Variants in GABRA3 observed in about 807,000 individuals in gnomAD.
GABRA3 encodes the protein gamma-aminobutyric acid receptor subunit alpha-3.
GABRA3 carries 10 observed loss-of-function variants against 30.1 expected under a neutral mutation model. That is an observed-to-expected ratio of 0.33 (90% CI 0.20 to 0.56). The LOEUF (loss-of-function observed/expected upper bound fraction) is 0.56, where lower values mean the gene tolerates loss of function less well. GABRA3 is among the 20% of genes least tolerant of loss of function. GABRA3 has a pLI of 0.89. For missense variants in GABRA3, 233 were observed against 392.0 expected (o/e 0.59, Z 3.42); for synonymous variants, 151 against 146.8 (o/e 1.03, Z -0.21).
intron 1 of GABRA3, among the ~76,000 whole-genome samples, chrX:152,434,499 A>G (rs1360537917): frequency 1.8e-5 from 2 of 111,526 alleles, no homozygotes; most frequent in African/African-American, 6.5e-5. Context: ...AATTCTACAC[A>G]AGCTGTTTCA....
chrX:152,436,638 A>G (rs1930783460), intron 1 of GABRA3, among the ~76,000 whole-genome samples: 1 of 111,699 alleles, frequency 9.0e-6, no homozygotes, highest in South Asian at 3.7e-4. Context: ...GGCAAAACAT[A>G]CTCTTGTCAA....
At chrX:152,218,769 T>G (rs911124978) in intron 6 of GABRA3, among the ~76,000 whole-genome samples, 4 of 111,341 alleles carry the variant, frequency 3.6e-5, no homozygotes, top group Non-Finnish European at 5.7e-5. Context: ...TCCCTGGTTG[T>G]ACTGAGAACT....
At chrX:152,387,746 A>T (rs1172907669) in intron 1 of GABRA3, among the ~76,000 whole-genome samples, 1 of 111,869 alleles carries the variant, frequency 8.9e-6, no homozygotes, top group Admixed American at 9.6e-5. Flanking sequence ...GCATCACTCC[A>T]CCTATCAAAT....
At chrX:152,214,460 T>C (rs760468213) in intron 6 of GABRA3, among the ~76,000 whole-genome samples, 8 of 111,737 alleles carry the variant, frequency 7.2e-5, no homozygotes, top group East Asian at 2.8e-4. Flanking sequence ...GCCACTACCA[T>C]GCTGTTTTGG....
chrX:152,411,385 T>C (rs1930067357), intron 1 of GABRA3, among the ~76,000 whole-genome samples: 1 of 110,899 alleles, frequency 9.0e-6, no homozygotes. Context: ...AGTTAAAAAG[T>C]ATAACTGGAA....
intron 7 of GABRA3, among the ~76,000 whole-genome samples, chrX:152,201,220 C>T (rs185873825): frequency 1.8e-5 from 2 of 111,089 alleles, no homozygotes; most frequent in Non-Finnish European, 3.8e-5. Context: ...TTCTTCTCTG[C>T]CAAAGAGAGA....
At chrX:152,255,662 T>A in intron 5 of GABRA3, 116 bp downstream of exon 5, 4 of 582,804 alleles carry the variant, frequency 6.9e-6, no homozygotes, top group Non-Finnish European at 1.2e-5. Context: ...TATACATACC[T>A]GTACATTTCT....
chrX:152,229,930 A>C (rs1030004186), intron 5 of GABRA3, among the ~76,000 whole-genome samples: 9 of 106,514 alleles, frequency 8.4e-5, no homozygotes, highest in African/African-American at 2.8e-4. Flanking sequence ...TAGGAATAGA[A>C]GGCAACTTCC....
At chrX:152,292,981 G>A (rs745340085) in intron 3 of GABRA3, among the ~76,000 whole-genome samples, 71 of 111,205 alleles carry the variant, frequency 6.4e-4, no homozygotes, top group African/African-American at 2.0e-3. Context: ...CTATGTGGTC[G>A]ACTTTGGAAT....
chrX:152,304,118 G>C (rs1939684286), intron 3 of GABRA3, among the ~76,000 whole-genome samples: 1 of 111,733 alleles, frequency 8.9e-6, no homozygotes, highest in African/African-American at 3.3e-5. Flanking sequence ...TTAGAGAAGT[G>C]TCCATGTTAT....
intron 1 of GABRA3, among the ~76,000 whole-genome samples, chrX:152,437,188 T>C (rs1223281600): frequency 9.0e-6 from 1 of 111,684 alleles, no homozygotes; most frequent in Non-Finnish European, 1.9e-5. Context: ...ACAAGACTAA[T>C]CTTCAAAAGT....
intron 1 of GABRA3, among the ~76,000 whole-genome samples, chrX:152,368,054 A>G (rs1209388165): frequency 8.9e-6 from 1 of 111,919 alleles, no homozygotes; most frequent in East Asian, 2.8e-4. Flanking sequence ...GCTCCCCTAG[A>G]GTCTGTTCCC....
At chrX:152,262,189 AT>A (rs1277218289) in intron 4 of GABRA3, among the ~76,000 whole-genome samples, 2 of 112,035 alleles carry the variant, frequency 1.8e-5, no homozygotes, top group East Asian at 2.8e-4. Flanking sequence ...CCATGAAACC[AT>A]TTTTTCCTCC....
intron 3 of GABRA3, among the ~76,000 whole-genome samples, chrX:152,303,631 A>T (rs774868107): frequency 8.9e-6 from 1 of 112,167 alleles, no homozygotes; most frequent in Non-Finnish European, 1.9e-5. Flanking sequence ...CCATGCAGCC[A>T]TAAAAATGAA....
chrX:152,387,041 G>C (rs55719591), intron 1 of GABRA3, among the ~76,000 whole-genome samples: 1 of 104,637 alleles, frequency 9.6e-6, no homozygotes, highest in Non-Finnish European at 2.0e-5. Context: ...GTAAACTATC[G>C]CAAGCACAAA....
At chrX:152,319,547 C>T (rs1939930273) in intron 3 of GABRA3, among the ~76,000 whole-genome samples, 1 of 111,782 alleles carries the variant, frequency 8.9e-6, no homozygotes, top group South Asian at 3.7e-4. Flanking sequence ...GAAACTCGGT[C>T]CTCATCTCTC....
At chrX:152,273,009 G>A (rs960512170) in intron 4 of GABRA3, among the ~76,000 whole-genome samples, 4 of 111,573 alleles carry the variant, frequency 3.6e-5, no homozygotes, top group Non-Finnish European at 7.5e-5. Flanking sequence ...CTTTATAGCA[G>A]CAGGAGAATG....
chrX:152,188,056 G>A (rs1937278365), intron 9 of GABRA3, among the ~76,000 whole-genome samples: 1 of 111,302 alleles, frequency 9.0e-6, no homozygotes, highest in African/African-American at 3.3e-5. Flanking sequence ...ACTTATAGAA[G>A]ATAGCTACAC....
chrX:152,390,118 T>C (rs1443477590), intron 1 of GABRA3, among the ~76,000 whole-genome samples: 1 of 111,954 alleles, frequency 8.9e-6, no homozygotes, highest in East Asian at 2.8e-4. Context: ...GAACTTCTAA[T>C]ATACAATCAG....
Sources: allele counts gnomAD v4.1 joint callset (sites outside exome capture counted in the v4.1 genomes callset), GRCh38; gene constraint gnomAD v4.1.1; transcripts MANE v1.5; gene names NCBI Gene and HGNC (gene_info 2026-07-23, HGNC 2026-07-21).